Variants in ADCY9 observed in about 807,000 individuals in gnomAD.
ADCY9 encodes the protein adenylate cyclase 9, also known as adenylate cyclase type 9.
ADCY9 carries 50 observed loss-of-function variants against 101.5 expected under a neutral mutation model. The observed-to-expected ratio is 0.49, with a 90% CI of 0.39 to 0.62. ADCY9 has a LOEUF of 0.62. Ranked by LOEUF, ADCY9 falls within the 20% of genes least tolerant of loss-of-function variation. The pLI is 0.00. For missense variants in ADCY9, 1,662 were observed against 1,800.4 expected, an observed-to-expected ratio of 0.92 and a Z score of 1.39; for synonymous variants, 905 against 769.3, an observed-to-expected ratio of 1.18 and a Z score of -2.92.
intron 2 of ADCY9, among the ~76,000 whole-genome samples, chr16:4,038,280 C>CAAA (rs71394643): frequency 0.022 from 2,337 of 108,064 alleles, 68 homozygotes; most frequent in African/African-American, 0.068. Flanking sequence ...GATTCTGTCT[C>CAAA]AAAAAAAAAA....
chr16:3,954,672 G>A (rs2055898275), intron 5 of ADCY9, among the ~76,000 whole-genome samples: 1 of 152,150 alleles, frequency 6.6e-6, no homozygotes, highest in Admixed American at 6.5e-5. Flanking sequence ...TTGATGCTGG[G>A]AGGTTGCTGC....
chr16:3,955,396 C>A (rs2055901662), intron 5 of ADCY9, among the ~76,000 whole-genome samples: 1 of 152,150 alleles, frequency 6.6e-6, no homozygotes, highest in South Asian at 2.1e-4. Context: ...ACCTTATCTT[C>A]TTAGCTCTTA....
At chr16:4,025,490 C>T (rs376772298) in intron 2 of ADCY9, among the ~76,000 whole-genome samples, 1 of 152,134 alleles carries the variant, frequency 6.6e-6, no homozygotes, top group African/African-American at 2.4e-5. Context: ...AGTGACCACA[C>T]CAGGGAGAGG....
intron 8 of ADCY9, 50 bp downstream of exon 8, chr16:3,979,066 T>C: frequency 1.9e-6 from 3 of 1,604,990 alleles, no homozygotes; most frequent in Non-Finnish European, 1.7e-6. Context: ...AAAAGAGAGA[T>C]TAGGGAGTCC....
At chr16:4,107,169 G>A (rs1441781630) in intron 2 of ADCY9, among the ~76,000 whole-genome samples, 1 of 152,196 alleles carries the variant, frequency 6.6e-6, no homozygotes, top group Non-Finnish European at 1.5e-5. Context: ...CACCCCAGCT[G>A]TGGAGGGGAA....
chr16:4,008,900 G>A (rs1272265532), intron 2 of ADCY9, among the ~76,000 whole-genome samples: 1 of 152,166 alleles, frequency 6.6e-6, no homozygotes, highest in Non-Finnish European at 1.5e-5. Context: ...CGTGAAGGGT[G>A]TGGCATGGAA....
At chr16:3,960,866 G>A (rs1254750462), downstream of ADCY9, among the ~76,000 whole-genome samples, 1 of 152,134 alleles carries the variant, frequency 6.6e-6, no homozygotes, top group African/African-American at 2.4e-5. Flanking sequence ...TAGACACTTG[G>A]GAAGATTTTA....
intron 2 of ADCY9, among the ~76,000 whole-genome samples, chr16:4,026,402 CCAA>C: frequency 7.4e-6 from 1 of 135,974 alleles, no homozygotes; most frequent in Admixed American, 8.5e-5. Flanking sequence ...CCAGCCTGAG[CCAA>C]CAACAGCAAG....
At chr16:4,002,737 T>C (rs749175451) in intron 3 of ADCY9, among the ~76,000 whole-genome samples, 35 of 152,352 alleles carry the variant, frequency 2.3e-4, no homozygotes, top group Non-Finnish European at 4.6e-4. Flanking sequence ...CTTTTCGAGA[T>C]GGAGTCTCAC....
intron 2 of ADCY9, among the ~76,000 whole-genome samples, chr16:4,085,894 G>T (rs2056934818): frequency 6.6e-6 from 1 of 151,860 alleles, no homozygotes; most frequent in South Asian, 2.1e-4. Context: ...CGTGTCCAGG[G>T]ATGACCAGTG....
chr16:3,987,556 T>C (rs2056204132), intron 6 of ADCY9, among the ~76,000 whole-genome samples: 1 of 152,200 alleles, frequency 6.6e-6, no homozygotes, highest in Non-Finnish European at 1.5e-5. Flanking sequence ...TGAGACGATA[T>C]TTTGCCTTAC....
intron 10 of ADCY9, among the ~76,000 whole-genome samples, chr16:3,969,954 G>T (rs1210330242): frequency 6.6e-6 from 1 of 151,956 alleles, no homozygotes; most frequent in Admixed American, 6.6e-5. Context: ...AGACAAAAAA[G>T]ATTTGTCCAT....
At chr16:4,049,923 C>A (rs556484605) in intron 2 of ADCY9, among the ~76,000 whole-genome samples, 1 of 151,978 alleles carries the variant, frequency 6.6e-6, no homozygotes, top group South Asian at 2.1e-4. Context: ...CCCTGCTACT[C>A]AGGAAGCTAG....
At chr16:4,015,974 A>G (rs936199402) in intron 2 of ADCY9, among the ~76,000 whole-genome samples, 20 of 150,230 alleles carry the variant, frequency 1.3e-4, no homozygotes, top group African/African-American at 3.9e-4. Flanking sequence ...TCTCAAAAAA[A>G]TAAAAGAAAA....
chr16:3,993,349 C>A, intron 4 of ADCY9, 57 bp downstream of exon 4: 1 of 1,600,202 alleles, frequency 6.2e-7, no homozygotes, highest in South Asian at 1.1e-5. Context: ...GGAATGTCAC[C>A]TTGGGTGGAT....
chr16:3,960,477 G>A (rs779263148), downstream of ADCY9, among the ~76,000 whole-genome samples: 1 of 152,074 alleles, frequency 6.6e-6, no homozygotes, highest in East Asian at 1.9e-4. Flanking sequence ...AGCTGAGATC[G>A]CACCACTGCA....
Position 3,966,073 on chromosome 16 carries a change from T to G in ADCY9, c.3764A>C (p.Gln1255Pro). 1 of 1,614,232 alleles carries G rather than the reference T, an allele frequency of 6.2e-7. No homozygotes were observed. The highest frequency in any genetic ancestry group is 8.5e-7 in the Non-Finnish European group (1 of 1,180,040). The change falls in exon 11 of 11, where the codon CAG becomes CCG. Residue 1255 changes from glutamine (Q) to proline (P), a missense_variant. Gln to Pro is a moderately conservative substitution (Grantham distance 76, BLOSUM62 -1). This residue lies in a region of ADCY9 where 168 missense variants were observed against 155.3 expected (regional missense o/e 1.08). Coordinates refer to ENST00000294016, the MANE Select transcript of ADCY9 (RefSeq NM_001116.4). ...GCGGATGTCTGGGGAGATGGACAGC[T>G]GGTGCTGTGGGATGACCCTGTGATC... ...CTDHRVIPQH[Q>P]LSISPDIRVQ...
intron 2 of ADCY9, among the ~76,000 whole-genome samples, chr16:4,093,518 T>C (rs1192842307): frequency 1.3e-5 from 2 of 152,212 alleles, no homozygotes; most frequent in East Asian, 1.9e-4. Flanking sequence ...AATCAAAGTA[T>C]ATTATTAAGT....
chr16:3,987,535 T>C (rs1191779394), intron 6 of ADCY9, among the ~76,000 whole-genome samples: 1 of 152,216 alleles, frequency 6.6e-6, no homozygotes, highest in African/African-American at 2.4e-5. Flanking sequence ...AGCATTGCTA[T>C]GAGCATTAAA....
Sources: gnomAD v4.1 joint callset for allele counts (sites outside exome capture counted in the v4.1 genomes callset) on GRCh38, gnomAD v4.1.1 for gene constraint, gnomAD v4.1.1 regional missense constraint, MANE v1.5 for transcripts, NCBI Gene and HGNC (gene_info 2026-07-23, HGNC 2026-07-21) for gene names.